CHRAC1: variants seen among roughly 807,000 people sequenced by gnomAD.
CHRAC1 encodes chromatin accessibility complex protein 1.
CHRAC1 carries 6 observed loss-of-function variants against 9.1 expected under a neutral mutation model. The observed-to-expected ratio is 0.66, with a 90% CI of 0.36 to 1.29. CHRAC1 has a LOEUF of 1.29. Ranked by LOEUF, CHRAC1 falls within the 50% of genes most tolerant of loss-of-function variation. The pLI is 0.03. For missense variants in CHRAC1, 168 were observed against 163.5 expected (o/e 1.03, Z -0.15); for synonymous variants, 73 against 64.5 (o/e 1.13, Z -0.63).
chr8:140,511,836 G>A (rs1327276614), intron 1 of CHRAC1, 190 bp downstream of exon 1: 2 of 777,052 alleles, frequency 2.6e-6, no homozygotes, highest in East Asian at 4.2e-5. Flanking sequence ...ACTTTCTCGC[G>A]CGTCTTCGCC....
chr8:140,511,700 G>T, intron 1 of CHRAC1, 54 bp downstream of exon 1: 1 of 1,272,816 alleles, frequency 7.9e-7, no homozygotes, highest in Non-Finnish European at 1.0e-6. Flanking sequence ...GCCCCGCCCC[G>T]CCGGGCTCTG....
rs756752450 is a variant in CHRAC1 at position 140,515,424 on chromosome 8, G to A, written c.*177G>A. The A allele has an allele frequency of 4.8e-5, 25 of 518,132 alleles. No homozygotes were observed. The highest frequency in any genetic ancestry group is 1.5e-4 in the African/African-American group (8 of 51,624). The allele number at this position is 518,132 out of a possible 1,614,324, so 32.1% of individuals were successfully genotyped here. On this transcript the variant is annotated 3_prime_UTR_variant, in exon 3 of 3. Transcript: ENST00000220913. Reference sequence around the variant, plus strand: ...GAGATTGAGCACCTCATGTACCTACGCCACAGACAGCCAGAGGGAAAGCGA... The same window carrying A: ...GAGATTGAGCACCTCATGTACCTACACCACAGACAGCCAGAGGGAAAGCGA...
chr8:140,512,117 C>T (rs1400315780), intron 1 of CHRAC1: 2 of 944,654 alleles, frequency 2.1e-6, no homozygotes, highest in African/African-American at 1.7e-5. Flanking sequence ...TCCGGCCCTA[C>T]CCGTGGGCGT....
chr8:140,512,247 T>G (rs1388453814), intron 1 of CHRAC1, among the ~76,000 whole-genome samples: 1 of 151,914 alleles, frequency 6.6e-6, no homozygotes, highest in Non-Finnish European at 1.5e-5. Context: ...GGGCCCTAAC[T>G]CCTCCAGTGT....
At chr8:140,512,140 G>T in intron 1 of CHRAC1, 4 of 646,920 alleles carry the variant, frequency 6.2e-6, no homozygotes, top group Non-Finnish European at 9.2e-6. Flanking sequence ...GCGCCTAGTG[G>T]CGCTCTTCTC....
intron 1 of CHRAC1, among the ~76,000 whole-genome samples, chr8:140,514,098 GTTTCA>G (rs1194585591): frequency 2.6e-5 from 4 of 151,208 alleles, no homozygotes; most frequent in Admixed American, 2.6e-4. Context: ...TAGAGATGGG[GTTTCA>G]CTATGTTGGC....
At chr8:140,512,047 C>A (rs1314603330) in intron 1 of CHRAC1, 15 of 1,282,066 alleles carry the variant, frequency 1.2e-5, no homozygotes, top group Non-Finnish European at 1.5e-5. Context: ...CGTTCCTCTG[C>A]GCGCCTTTCG....
At position 140,511,459 on chromosome 8, in the gene CHRAC1, CG is replaced by C. The variant is rs1256647582; in HGVS notation, c.-38del. The C allele has an allele frequency of 7.7e-7, 1 of 1,295,720 alleles. No individual in the cohort carries two copies. The highest frequency in any genetic ancestry group is 9.9e-7 in the Non-Finnish European group (1 of 1,010,650). 80.3% of individuals were successfully genotyped at this position (1,295,720 alleles called of 1,614,324 possible). ...CCGGGCAGGGCAGCCACTTCGCGGT[CG>C]GGCCCGCCGGCTGCGGGCACCCGCG... is the stretch of plus-strand genomic sequence containing the variant. On this transcript the variant is annotated 5_prime_UTR_variant, in exon 1 of 3. Transcript: ENST00000220913.
At chr8:140,512,354 C>G (rs1488393093) in intron 1 of CHRAC1, among the ~76,000 whole-genome samples, 1 of 152,214 alleles carries the variant, frequency 6.6e-6, no homozygotes, top group Non-Finnish European at 1.5e-5. Flanking sequence ...TTCGAGCCCT[C>G]CCGCCCGCCA....
Position 140,511,623 on chromosome 8 carries a change from T to G in CHRAC1, c.124T>G (p.Leu42Val). ...PEVSSINQEA[L>V]VLTAKATELF... ...GGTGTCCAGCATCAACCAGGAGGCG[T>G]TGGTGCTCACGGCCAAGGCCACGGT... Residue 42 changes from leucine to valine, a missense_variant, in exon 1 of 3, where the codon TTG (leucine) becomes GTG (valine). Coordinates refer to ENST00000220913, the MANE Select transcript of CHRAC1 (RefSeq NM_017444.6). The G allele has an allele frequency of 6.9e-7, 1 of 1,447,924 alleles. No homozygotes were observed. Among genetic ancestry groups the G allele is most frequent in the South Asian group, 1.5e-5 (1 of 66,754 alleles). 89.7% of individuals were successfully genotyped at this position (1,447,924 alleles called of 1,614,324 possible). A position where few individuals can be genotyped will look rare whatever the true frequency, so the allele number is the denominator to read the frequency against.
chr8:140,515,276 C>T lies in CHRAC1; in HGVS notation c.*29C>T, dbSNP rs201321434. 2.8e-5 allele frequency: 45 copies of T among 1,610,154 alleles called. No individual in the cohort carries two copies. The East Asian group carries it at 7.4e-4, about 26-fold the overall frequency. ...AAAAGTGCTTTAAAAACCAGCCTGG[C>T]GAGGACAGCCCTGGACCCACTCCAC... On this transcript the variant is annotated 3_prime_UTR_variant, in exon 3 of 3. Transcript: ENST00000220913.
rs917402659 is a variant in CHRAC1, at chr8:140,515,306, T to G, written c.*59T>G. 5.6e-5 allele frequency: 89 copies of G among 1,576,418 alleles called. No homozygotes were observed. Among genetic ancestry groups the G allele is most frequent in the Non-Finnish European group, 7.4e-5 (86 of 1,160,400 alleles). ...ACAGCCCTGGACCCACTCCACTGTC[T>G]CTAAGTAAACACAGCACTGCCCGCT... On this transcript the variant is annotated 3_prime_UTR_variant, in exon 3 of 3. Transcript: ENST00000220913.
chr8:140,515,082 A>T, intron 2 of CHRAC1, 44 bp from the exon 3 acceptor site: 1 of 1,590,444 alleles, frequency 6.3e-7, no homozygotes, highest in Non-Finnish European at 8.6e-7. Flanking sequence ...CTGTGTTCAT[A>T]GTCTACCATA....
chr8:140,516,827 A>C lies in CHRAC1; in HGVS notation c.*1580A>C, dbSNP rs2132818821. 6.6e-6 allele frequency: 1 copy of C among 152,312 alleles called. No homozygotes were observed. The highest frequency in any genetic ancestry group is 6.5e-5 in the Admixed American group (1 of 15,302). 9.4% of individuals were successfully genotyped at this position (152,312 alleles called of 1,614,324 possible). On this transcript the variant is annotated 3_prime_UTR_variant, in exon 3 of 3. Coordinates refer to ENST00000220913, the MANE Select transcript of CHRAC1 (RefSeq NM_017444.6). ...CTCCTTCCCCACCTTTTACCGTGGCAACCGTCAAGCTATTCTCTGTCCCTA... is the reference window on the plus strand; with the variant it reads ...CTCCTTCCCCACCTTTTACCGTGGCCACCGTCAAGCTATTCTCTGTCCCTA...
At chr8:140,514,203 G>A (rs2072310956) in intron 1 of CHRAC1, 166 bp from the exon 2 acceptor site, 3 of 695,512 alleles carry the variant, frequency 4.3e-6, no homozygotes, top group Non-Finnish European at 6.5e-6. Context: ...ACCACGCCTG[G>A]CCTCCCCAGT....
chr8:140,514,422 G>C lies in CHRAC1; in HGVS notation c.201G>C (p.Lys67Asn), dbSNP rs768452330. The C allele has an allele frequency of 1.4e-5, 22 of 1,585,562 alleles. No homozygotes were observed. The highest frequency in any genetic ancestry group is 2.3e-5 in the South Asian group (2 of 85,206). ...ATYSYRHGSG[K>N]EKKVLTYSDL... ...ATTCCTACAGACACGGCAGTGGAAAGGAAAAGAAAGTACTGACTTACAGTG... is the reference window on the plus strand; with the variant it reads ...ATTCCTACAGACACGGCAGTGGAAACGAAAAGAAAGTACTGACTTACAGTG... The change falls in exon 2 of 3, where the codon AAG becomes AAC. Residue 67 changes from lysine to asparagine, a missense_variant. By Grantham distance (94) the Lys-to-Asn change is moderately conservative. Coordinates refer to ENST00000220913, the MANE Select transcript of CHRAC1 (RefSeq NM_017444.6).
At chr8:140,514,808 CT>C in intron 2 of CHRAC1, 1 of 362,006 alleles carries the variant, frequency 2.8e-6, no homozygotes, top group Non-Finnish European at 5.0e-6. Context: ...CAGGGTGGGT[CT>C]ACATGGCCGT....
intron 1 of CHRAC1, chr8:140,511,914 G>A: frequency 1.8e-6 from 2 of 1,098,302 alleles, no homozygotes; most frequent in Non-Finnish European, 2.5e-6. Context: ...CGCCTCTCCC[G>A]CCCTTTGTCG....
chr8:140,511,326 C>A lies in CHRAC1; in HGVS notation c.-174C>A. 1 of 448,190 alleles carries A rather than the reference C, an allele frequency of 2.2e-6. No individual in the cohort carries two copies. Among genetic ancestry groups the A allele is most frequent in the South Asian group, 1.1e-4 (1 of 8,928 alleles). The allele number at this position is 448,190 out of a possible 1,614,324, so 27.8% of individuals were successfully genotyped here. On this transcript the variant is annotated 5_prime_UTR_variant, in exon 1 of 3. Coordinates refer to ENST00000220913, the MANE Select transcript of CHRAC1 (RefSeq NM_017444.6). ...CGCAGATCGGGGGCGCGAGGCCTCA[C>A]GGAGCTCGTAGTTTCCCGGACGGGC...
Sources: gnomAD v4.1 joint callset for allele counts (sites outside exome capture counted in the v4.1 genomes callset) on GRCh38, gnomAD v4.1.1 for gene constraint, MANE v1.5 for transcripts, NCBI Gene and HGNC (gene_info 2026-07-23, HGNC 2026-07-21) for gene names.